CDH23: variants seen among roughly 807,000 people sequenced by gnomAD.
CDH23 encodes cadherin related 23.
CDH23 carries 189 observed loss-of-function variants against 317.1 expected under a neutral mutation model. The observed-to-expected ratio is 0.60, with a 90% CI of 0.53 to 0.67. CDH23 has a LOEUF of 0.67. CDH23 is among the 30% of genes least tolerant of loss of function. The pLI is 0.00. For synonymous variants in CDH23, 1,839 were observed against 1,876.8 expected, an observed-to-expected ratio of 0.98 and a Z score of 0.52; for missense variants, 4,401 against 4,592.4, an observed-to-expected ratio of 0.96 and a Z score of 1.20.
chr10:71,651,537 G>C (rs536347750), intron 14 of CDH23, among the ~76,000 whole-genome samples: 1 of 143,540 alleles, frequency 7.0e-6, no homozygotes, highest in South Asian at 2.4e-4. Flanking sequence ...CTGTGCAACA[G>C]AGTGAGACCC....
At chr10:71,559,401 C>T (rs1857017781) in intron 6 of CDH23, among the ~76,000 whole-genome samples, 1 of 152,130 alleles carries the variant, frequency 6.6e-6, no homozygotes, top group South Asian at 2.1e-4. Context: ...CTTCTATGCA[C>T]AAGTGACAGT....
chr10:71,489,726 G>A (rs933780509), intron 3 of CDH23, among the ~76,000 whole-genome samples: 10 of 151,792 alleles, frequency 6.6e-5, no homozygotes, highest in Non-Finnish European at 1.3e-4. Context: ...GAGGGAATTT[G>A]TATTTGTTTT....
chr10:71,527,210 C>T (rs917524715), intron 6 of CDH23, among the ~76,000 whole-genome samples: 3 of 152,260 alleles, frequency 2.0e-5, no homozygotes, highest in African/African-American at 7.2e-5. Context: ...GACAGCCTCC[C>T]GCCCCTGCAC....
chr10:71,774,511 C>T (rs1234994496), intron 38 of CDH23, among the ~76,000 whole-genome samples: 1 of 152,206 alleles, frequency 6.6e-6, no homozygotes, highest in Non-Finnish European at 1.5e-5. Context: ...CTTCTTCCGG[C>T]TGTTCTGCCC....
At chr10:71,578,083 A>G in intron 9 of CDH23, 91 bp downstream of exon 9, 1 of 1,306,022 alleles carries the variant, frequency 7.7e-7, no homozygotes, top group Non-Finnish European at 1.1e-6. Flanking sequence ...AGGGCTAAGG[A>G]GAGGTCTGCG....
At chr10:71,643,949 C>T (rs938381416) in intron 12 of CDH23, 83 bp downstream of exon 12, 3 of 753,348 alleles carry the variant, frequency 4.0e-6, no homozygotes, top group African/African-American at 1.7e-5. Context: ...GAAAAGGGCA[C>T]AGCTCAGCCC....
intron 6 of CDH23, among the ~76,000 whole-genome samples, chr10:71,530,621 G>A (rs1196292078): frequency 1.3e-5 from 2 of 152,190 alleles, no homozygotes; most frequent in African/African-American, 4.8e-5. Flanking sequence ...TCTTTCCCAA[G>A]CACCTACAAT....
rs546609306 is a variant in CDH23, at chr10:71,549,905, A to G, written c.430-16837A>G. Among the ~76,000 whole-genome samples the G allele has an allele frequency of 2.0e-5, 3 of 152,188 alleles. No individual in the cohort carries two copies. The South Asian group carries it at 6.2e-4, about 32-fold the overall frequency. ...GAGGTTCCTTTCTTGACCTTGTGGGACTACAAGGTCCCACAGACCTTGAAG... is the reference window on the plus strand; with the variant it reads ...GAGGTTCCTTTCTTGACCTTGTGGGGCTACAAGGTCCCACAGACCTTGAAG... On this transcript the variant is annotated intron_variant, in intron 6 of 69. Transcript: ENST00000224721.
At chr10:71,406,870 C>G (rs564219890) in intron 1 of CDH23, among the ~76,000 whole-genome samples, 1 of 152,166 alleles carries the variant, frequency 6.6e-6, no homozygotes, top group Admixed American at 6.5e-5. Context: ...TGCATGTGGC[C>G]CATAGATGGC....
intron 27 of CDH23, 200 bp from the exon 28 acceptor site, chr10:71,712,465 T>G: frequency 1.7e-6 from 1 of 584,304 alleles, no homozygotes; most frequent in South Asian, 2.1e-5. Context: ...GAAGAATGGC[T>G]GGCACATGGT....
At chr10:71,801,970 G>A (rs1841570302) in intron 53 of CDH23, among the ~76,000 whole-genome samples, 1 of 152,216 alleles carries the variant, frequency 6.6e-6, no homozygotes. Context: ...GGGGACATGA[G>A]GTGGTTTGAA....
At chr10:71,510,886 T>G in intron 4 of CDH23, 68 bp from the exon 5 acceptor site, 13 of 1,529,312 alleles carry the variant, frequency 8.5e-6, no homozygotes, top group Non-Finnish European at 1.2e-5. Context: ...CCCGCCCCAT[T>G]TAGGGCCCAG....
At chr10:71,801,180 A>C (rs1184515214) in intron 53 of CDH23, among the ~76,000 whole-genome samples, 1 of 83,526 alleles carries the variant, frequency 1.2e-5, no homozygotes. Flanking sequence ...TTTGAGATGG[A>C]GTTTCACTCT....
chr10:71,811,716 C>G lies in CDH23; in HGVS notation c.9282C>G (p.His3094Gln). The change falls in exon 65 of 70, where the codon CAC becomes CAG. Residue 3094 changes from histidine (H) to glutamine (Q), a missense_variant. Physicochemically the swap from His to Gln is conservative, Grantham distance 24. Transcript: ENST00000224721. Reference sequence around the variant, plus strand: ...GCCCCTCTCTGCTTCTCTCCAGACACAAGAGGAAGCTCAAGGCCATTGTGG... The same window carrying G: ...GCCCCTCTCTGCTTCTCTCCAGACAGAAGAGGAAGCTCAAGGCCATTGTGG... Reference protein sequence around the residue: ...VLMNWYYRTVHKRKLKAIVAG... With the variant: ...VLMNWYYRTVQKRKLKAIVAG... The G allele has an allele frequency of 1.2e-6, 2 of 1,605,218 alleles. No individual in the cohort carries two copies. The highest frequency in any genetic ancestry group is 1.7e-6 in the Non-Finnish European group (2 of 1,175,782).
Position 71,712,645 on chromosome 10 carries a change from T to C in CDH23, c.3221-20T>C. 2 of 1,612,128 alleles carry C rather than the reference T, an allele frequency of 1.2e-6. No individual in the cohort carries two copies. The highest frequency in any genetic ancestry group is 1.7e-6 in the Non-Finnish European group (2 of 1,178,826). On this transcript the variant is annotated intron_variant, in intron 27 of 69. Coordinates refer to ENST00000224721, the MANE Select transcript of CDH23 (RefSeq NM_022124.6). ...TCTCTCAGGCAGCTGCTAACACCTG[T>C]CTTCCTTCAACTCCCACAGACAACG...
intron 28 of CDH23, chr10:71,713,286 C>T (rs777200621): frequency 1.8e-5 from 14 of 779,310 alleles, no homozygotes; most frequent in Non-Finnish European, 3.4e-5. Flanking sequence ...GCAACAGCTC[C>T]AAGGCTCAGA....
intron 6 of CDH23, among the ~76,000 whole-genome samples, chr10:71,522,710 A>G (rs1350768765): frequency 6.6e-6 from 1 of 152,076 alleles, no homozygotes; most frequent in Non-Finnish European, 1.5e-5. Context: ...GTCATCTTTC[A>G]GGTGGATATG....
At chr10:71,454,305 CTG>C (rs1850584590) in intron 3 of CDH23, among the ~76,000 whole-genome samples, 1 of 152,236 alleles carries the variant, frequency 6.6e-6, no homozygotes, top group South Asian at 2.1e-4. Context: ...ACCCTTAGAA[CTG>C]TGTCTGGCCC....
At chr10:71,783,560 C>A (rs1841014575) in intron 41 of CDH23, among the ~76,000 whole-genome samples, 1 of 152,220 alleles carries the variant, frequency 6.6e-6, no homozygotes, top group Non-Finnish European at 1.5e-5. Flanking sequence ...ATCTGAGAAT[C>A]TGAGGTTCTT....
Sources: gnomAD v4.1 joint callset for allele counts (sites outside exome capture counted in the v4.1 genomes callset) on GRCh38, gnomAD v4.1.1 for gene constraint, MANE v1.5 for transcripts, NCBI Gene and HGNC (gene_info 2026-07-23, HGNC 2026-07-21) for gene names.